The following SGCD variants were observed in gnomAD, a reference collection of about 807,000 sequenced individuals.
SGCD encodes the protein delta-sarcoglycan.
SGCD carries 18 observed loss-of-function variants against 36.6 expected under a neutral mutation model. The ratio of observed to expected loss-of-function variants is 0.49; its 90% CI spans 0.34 to 0.73. SGCD has a LOEUF of 0.73. Among genes scored for constraint, SGCD ranks in the 30% least tolerant of loss-of-function variants. The pLI is 0.01. For missense variants in SGCD, 387 were observed against 346.7 expected (o/e 1.12, Z -0.92); for synonymous variants, 133 against 130.6 (o/e 1.02, Z -0.12).
intron 3 of SGCD, among the ~76,000 whole-genome samples, chr5:156,265,970 A>C (rs1472465567): frequency 6.6e-6 from 1 of 152,224 alleles, no homozygotes; most frequent in African/African-American, 2.4e-5. Context: ...TCAGGAAGTA[A>C]TGTTGACCAT....
intron 3 of SGCD, among the ~76,000 whole-genome samples, chr5:156,154,952 G>A (rs1164912976): frequency 6.6e-6 from 1 of 151,556 alleles, no homozygotes; most frequent in Non-Finnish European, 1.5e-5. Context: ...ATAAAGTGAT[G>A]ACAAACTCAA....
chr5:156,134,052 T>A (rs1459216261), intron 3 of SGCD, among the ~76,000 whole-genome samples: 1 of 152,132 alleles, frequency 6.6e-6, no homozygotes. Flanking sequence ...TAAGCAAATA[T>A]AACATAGGTT....
the SGCD span, among the ~76,000 whole-genome samples, chr5:155,772,992 C>T: frequency 9.9e-5 from 15 of 152,078 alleles, no homozygotes; most frequent in Admixed American, 6.6e-4. Context: ...CTACTACTTA[C>T]GAAGTAAGTA....
intron 3 of SGCD, among the ~76,000 whole-genome samples, chr5:156,502,183 G>T (rs1419118146): frequency 1.3e-5 from 2 of 151,042 alleles, no homozygotes; most frequent in East Asian, 4.0e-4. Flanking sequence ...AATAGCTGGG[G>T]CTACAGGCAC....
At chr5:155,831,261 T>A in the SGCD span, among the ~76,000 whole-genome samples, 1 of 152,164 alleles carries the variant, frequency 6.6e-6, no homozygotes. Flanking sequence ...CGGTTTTGAT[T>A]TTTGCTCCTG....
At chr5:156,315,795 A>G (rs1214084615) in intron 3 of SGCD, among the ~76,000 whole-genome samples, 1 of 151,950 alleles carries the variant, frequency 6.6e-6, no homozygotes, top group Non-Finnish European at 1.5e-5. Flanking sequence ...TGGTTTGGAT[A>G]TCCCTGATGA....
intron 7 of SGCD, among the ~76,000 whole-genome samples, chr5:156,744,448 G>T (rs1298192508): frequency 6.6e-6 from 1 of 152,174 alleles, no homozygotes; most frequent in Non-Finnish European, 1.5e-5. Flanking sequence ...CCTGGGCTAG[G>T]TACATGCTGA....
rs554555292 is a variant in SGCD, at chr5:156,764,230, G to T, written c.*4840G>T. 1.5e-4 allele frequency: 23 copies of T among 152,546 alleles called. No homozygotes were observed. Among genetic ancestry groups the T allele is most frequent in the African/African-American group, 5.6e-4 (23 of 41,416 alleles). 9.4% of individuals were successfully genotyped at this position (152,546 alleles called of 1,614,324 possible). Reference sequence around the variant, plus strand: ...CTTGTGGTCTTTCATCACTATCTCCGTGGTGGAAGGTTCCCCTAGTTCCAA... The same window carrying T: ...CTTGTGGTCTTTCATCACTATCTCCTTGGTGGAAGGTTCCCCTAGTTCCAA... On this transcript the variant is annotated 3_prime_UTR_variant, in exon 9 of 9. Coordinates refer to ENST00000337851, the MANE Select transcript of SGCD (RefSeq NM_000337.6).
chr5:156,049,288 G>A (rs1257528726), intron 1 of SGCD, among the ~76,000 whole-genome samples: 2 of 145,878 alleles, frequency 1.4e-5, no homozygotes, highest in African/African-American at 4.9e-5. Context: ...TTTTGGCTTA[G>A]GATTGACTTG....
chr5:156,650,661 T>C (rs1223585503), intron 7 of SGCD, among the ~76,000 whole-genome samples: 3 of 152,130 alleles, frequency 2.0e-5, no homozygotes, highest in African/African-American at 7.2e-5. Flanking sequence ...GCAGAGGACA[T>C]GATTTTGTTA....
intron 1 of SGCD, among the ~76,000 whole-genome samples, chr5:155,986,024 G>A (rs1758321191): frequency 1.3e-5 from 2 of 152,022 alleles, no homozygotes; most frequent in Admixed American, 1.3e-4. Flanking sequence ...GAGTGTCGAG[G>A]CACCCCAGGA....
intron 1 of SGCD, among the ~76,000 whole-genome samples, chr5:155,924,202 A>G (rs1240906781): frequency 6.6e-6 from 1 of 152,232 alleles, no homozygotes; most frequent in Non-Finnish European, 1.5e-5. Context: ...ATTTTTACCC[A>G]ACCCAAACAT....
intron 1 of SGCD, among the ~76,000 whole-genome samples, chr5:156,003,091 C>A (rs184758816): frequency 6.6e-6 from 1 of 152,198 alleles, no homozygotes; most frequent in African/African-American, 2.4e-5. Flanking sequence ...CCACTTACCT[C>A]GTAATTTTAG....
chr5:156,643,366 A>G (rs1348960779), intron 6 of SGCD, among the ~76,000 whole-genome samples: 1 of 152,056 alleles, frequency 6.6e-6, no homozygotes, highest in Admixed American at 6.6e-5. Flanking sequence ...AGTGTACACT[A>G]GTGGAGGATA....
rs111458843 is a variant in SGCD at position 156,653,493 on chromosome 5, C to CTTTTTTTT, written c.575+5965_575+5972dup. 2.1e-4 allele frequency among the ~76,000 whole-genome samples: 10 copies of CTTTTTTTT among 48,106 alleles called. 1 individual carries two copies. In the Admixed American group the frequency reaches 2.6e-3, roughly 12 times the overall value. 31.6% of individuals were successfully genotyped at this position (48,106 alleles called of 152,430 possible). On this transcript the variant is annotated intron_variant, in intron 7 of 8. Coordinates refer to ENST00000337851, the MANE Select transcript of SGCD (RefSeq NM_000337.6). ...TTTTCTTACGTAATTCTAAAGCTTGCTTTTTTTTTTTTTTTGCCCCTGTTG... is the reference window on the plus strand; with the variant it reads ...TTTTCTTACGTAATTCTAAAGCTTGCTTTTTTTTTTTTTTTTTTTTTTTGCCCCTGTTG...
intron 3 of SGCD, among the ~76,000 whole-genome samples, chr5:156,259,675 A>T (rs1038245423): frequency 3.3e-5 from 5 of 152,020 alleles, no homozygotes; most frequent in African/African-American, 4.8e-5. Context: ...TGTCCCCCAC[A>T]TTTCTTGTAT....
intron 1 of SGCD, among the ~76,000 whole-genome samples, chr5:156,036,534 T>A (rs1759502134): frequency 6.6e-6 from 1 of 152,214 alleles, no homozygotes; most frequent in African/African-American, 2.4e-5. Context: ...CCGAGGTTTC[T>A]GAAAGACAAC....
chr5:156,671,596 C>A (rs903753292), intron 7 of SGCD, among the ~76,000 whole-genome samples: 1 of 152,040 alleles, frequency 6.6e-6, no homozygotes, highest in South Asian at 2.1e-4. Flanking sequence ...AAGAATGAAG[C>A]AGTAAGAGTC....
At chr5:155,936,274 G>A (rs1330025834) in intron 1 of SGCD, among the ~76,000 whole-genome samples, 1 of 152,206 alleles carries the variant, frequency 6.6e-6, no homozygotes, top group African/African-American at 2.4e-5. Context: ...CTGCACCCAG[G>A]AAGAATGAGG....
Sources: gnomAD v4.1 joint callset for allele counts (sites outside exome capture counted in the v4.1 genomes callset) on GRCh38, gnomAD v4.1.1 for gene constraint, MANE v1.5 for transcripts, NCBI Gene and HGNC (gene_info 2026-07-23, HGNC 2026-07-21) for gene names.